Variants in ALAD observed in about 807,000 individuals in gnomAD.
ALAD encodes aminolevulinate dehydratase, also known as delta-aminolevulinic acid dehydratase.
A neutral mutation model predicts 44.4 loss-of-function variants in ALAD; 20 were observed. The ratio of observed to expected loss-of-function variants is 0.45; its 90% confidence interval spans 0.32 to 0.65. ALAD has a LOEUF of 0.65. Ranked by LOEUF, ALAD falls within the 30% of genes least tolerant of loss-of-function variation. The pLI is 0.05. For synonymous variants in ALAD, 156 were observed against 167.9 expected (o/e 0.93, Z 0.55); for missense variants, 323 against 445.7 (o/e 0.72, Z 2.48).
rs772736028 is a variant in ALAD at position 113,389,809 on chromosome 9, C to G, written c.590G>C (p.Ser197Thr). The change falls in exon 8 of 12, where the codon AGT becomes ACT. Residue 197 changes from serine to threonine, a missense_variant. Ser to Thr is a moderately conservative substitution (Grantham distance 58). Transcript: ENST00000409155. ...ATAGAAACAGGAAGCAAATTTGGCACTGTAGCTCATCACCGATACCTATGG... is the reference window on the plus strand; with the variant it reads ...ATAGAAACAGGAAGCAAATTTGGCAGTGTAGCTCATCACCGATACCTATGG... Reference protein sequence around the residue: ...LGNRVSVMSYSAKFASCFYGP... With the variant: ...LGNRVSVMSYTAKFASCFYGP... 1 of 1,614,250 alleles carries G rather than the reference C, an allele frequency of 6.2e-7. No individual in the cohort carries two copies. Among genetic ancestry groups the G allele is most frequent in the Non-Finnish European group, 8.5e-7 (1 of 1,180,050 alleles).
rs1180898651 is a variant in ALAD at position 113,387,735 on chromosome 9, T to C, written c.*565A>G. The C allele has an allele frequency of 2.4e-5, 4 of 165,898 alleles. No individual in the cohort carries two copies. The highest frequency in any genetic ancestry group is 5.6e-5 in the Admixed American group (1 of 17,824). 10.3% of individuals were successfully genotyped at this position (165,898 alleles called of 1,614,324 possible). ...AGTATTTATGCTGGTTAATGAGTAA[T>C]TCTTCTCTGGGTTTATGGTTCAGAG... is the stretch of plus-strand genomic sequence containing the variant. On this transcript the variant is annotated 3_prime_UTR_variant, in exon 12 of 12. Coordinates refer to ENST00000409155, the MANE Select transcript of ALAD (RefSeq NM_000031.6).
chr9:113,388,352 A>T lies in ALAD; in HGVS notation c.941T>A (p.Ile314Asn). 2.5e-6 allele frequency: 4 copies of T among 1,613,956 alleles called. No homozygotes were observed. The highest frequency in any genetic ancestry group is 3.4e-6 in the Non-Finnish European group (4 of 1,179,978). Residue 314 changes from isoleucine (I) to asparagine (N), a missense_variant, in exon 12 of 12, where the codon ATC (isoleucine) becomes AAC (asparagine). Physicochemically the swap from Ile to Asn is moderately radical, Grantham distance 149 (BLOSUM62 -3). Transcript: ENST00000409155. ...MTAFRRAGAD[I>N]IITYYTPQLL... Reference sequence around the variant, plus strand: ...CTGCGGTGTGTAGTAGGTGATGATGATGTCAGCACCTGTGTTGGGAGAGAT... The same window carrying T: ...CTGCGGTGTGTAGTAGGTGATGATGTTGTCAGCACCTGTGTTGGGAGAGAT...
chr9:113,392,058 C>A, intron 3 of ALAD, 61 bp downstream of exon 3: 1 of 1,473,046 alleles, frequency 6.8e-7, no homozygotes. Flanking sequence ...CCTCCCAGCA[C>A]TTCCACCTGT....
chr9:113,391,012 T>C, intron 4 of ALAD, 79 bp from the exon 5 acceptor site: 4 of 1,576,696 alleles, frequency 2.5e-6, no homozygotes, highest in Non-Finnish European at 3.5e-6. Flanking sequence ...TCACAGAGCA[T>C]AGCCCTGGCC....
At chr9:113,392,806 T>C (rs1459709299) in intron 2 of ALAD, among the ~76,000 whole-genome samples, 2 of 149,122 alleles carry the variant, frequency 1.3e-5, no homozygotes, top group African/African-American at 5.0e-5. Flanking sequence ...ACAATCACGA[T>C]TGCCATCTCT....
chr9:113,389,502 GCTC>G lies in ALAD; in HGVS notation c.734_736del (p.Gly245del), dbSNP rs1267668404. ...TCCCGGCTTCACCATGAGCATGTCAGCTCCTTCCCGTACATCCCGGTCCTAAGG... is the reference window on the plus strand; with the variant it reads ...TCCCGGCTTCACCATGAGCATGTCAGCTTCCCGTACATCCCGGTCCTAAGG... On this transcript the variant is annotated inframe_deletion, in exon 10 of 12. Transcript: ENST00000409155. 1 of 1,614,154 alleles carries G rather than the reference GCTC, an allele frequency of 6.2e-7. No homozygotes were observed. Among genetic ancestry groups the G allele is most frequent in the Non-Finnish European group, 8.5e-7 (1 of 1,180,042 alleles).
intron 9 of ALAD, 34 bp downstream of exon 9, chr9:113,389,565 G>A (rs1827511571): frequency 6.2e-7 from 1 of 1,614,110 alleles, no homozygotes; most frequent in Non-Finnish European, 8.5e-7. Context: ...CCTAGGAGGG[G>A]GCTGAGGGTG....
chr9:113,387,588 A>T lies in ALAD; in HGVS notation c.*712T>A, dbSNP rs1827432312. ...TCCTGCTGTATTCCCAGGACCCAGCACTGAACCTAGGAACAGAGCAGAGAT... is the reference window on the plus strand; with the variant it reads ...TCCTGCTGTATTCCCAGGACCCAGCTCTGAACCTAGGAACAGAGCAGAGAT... On this transcript the variant is annotated 3_prime_UTR_variant, in exon 12 of 12. Coordinates refer to ENST00000409155, the MANE Select transcript of ALAD (RefSeq NM_000031.6). 1 of 154,984 alleles carries T rather than the reference A, an allele frequency of 6.5e-6. No homozygotes were observed. Among genetic ancestry groups the T allele is most frequent in the African/African-American group, 2.4e-5 (1 of 41,488 alleles). The allele number at this position is 154,984 out of a possible 1,614,324, so 9.6% of individuals were successfully genotyped here. A position where few individuals can be genotyped will look rare whatever the true frequency, so the allele number is the denominator to read the frequency against.
rs1805316 is a variant in ALAD at position 113,390,970 on chromosome 9, A to G, written c.262-37T>C. 131,456 of 1,612,644 alleles carry G rather than the reference A, an allele frequency of 0.082. 5,870 individuals carry two copies. Among genetic ancestry groups the G allele is most frequent in the African/African-American group, 0.094 (7,082 of 75,002 alleles). ...GGAGGGACAAAGCAGTGTGTCTATT[A>G]CATGTAGCTTTGGAAGGCAGGATGA... On this transcript the variant is annotated intron_variant, in intron 4 of 11. Transcript: ENST00000409155.
chr9:113,390,052 A>G (rs1827525557), intron 7 of ALAD, among the ~76,000 whole-genome samples: 1 of 150,634 alleles, frequency 6.6e-6, no homozygotes, highest in Non-Finnish European at 1.5e-5. Flanking sequence ...TTTTTTTGAG[A>G]TGGAGTCTAG....
At chr9:113,392,321 G>A in intron 2 of ALAD, 152 bp from the exon 3 acceptor site, 1 of 1,555,060 alleles carries the variant, frequency 6.4e-7, no homozygotes, top group Admixed American at 1.8e-5. Flanking sequence ...TTCCCTGCCT[G>A]GCCAAGCCCA....
chr9:113,393,637 G>A lies in ALAD; in HGVS notation c.-75-3C>T, dbSNP rs540251700. The A allele has an allele frequency of 1.6e-6, 2 of 1,218,352 alleles. No individual in the cohort carries two copies. Among genetic ancestry groups the A allele is most frequent in the East Asian group, 2.3e-5 (1 of 42,876 alleles). 75.5% of individuals were successfully genotyped at this position (1,218,352 alleles called of 1,614,324 possible). On this transcript the variant is annotated splice_polypyrimidine_tract_variant and splice_region_variant and intron_variant, in intron 1 of 11. Transcript: ENST00000409155. ...GGGGCATTGGCTGCAGGCTCTGTCT[G>A]TGGGGGGTGATGGGTGGCACATGAG...
intron 2 of ALAD, 40 bp downstream of exon 2, chr9:113,393,407 A>ACCC: frequency 1.3e-6 from 2 of 1,551,240 alleles, no homozygotes; most frequent in Non-Finnish European, 8.9e-7. Context: ...CCCAACCCCA[A>ACCC]CCAGCAGAGC....
chr9:113,388,668 C>T (rs766064818), intron 11 of ALAD, among the ~76,000 whole-genome samples: 2 of 152,216 alleles, frequency 1.3e-5, no homozygotes, highest in African/African-American at 2.4e-5. Flanking sequence ...GATATTACTT[C>T]ATTTAATCCT....
chr9:113,392,055 G>C, intron 3 of ALAD, 64 bp downstream of exon 3: 2 of 1,451,108 alleles, frequency 1.4e-6, no homozygotes, highest in Non-Finnish European at 1.9e-6. Context: ...CTGCCTCCCA[G>C]CACTTCCACC....
chr9:113,393,512 A>C lies in ALAD; in HGVS notation c.48T>G (p.Leu16=). The part of the protein sequence containing the change: ...VLHSGYFHPL[L]RAWQTATTTL... Reference sequence around the variant, plus strand: ...TGGTGGTGGCTGTCTGCCAGGCCCGAAGTAGTGGGTGGAAGTAGCCGCTGT... The same window carrying C: ...TGGTGGTGGCTGTCTGCCAGGCCCGCAGTAGTGGGTGGAAGTAGCCGCTGT... Residue 16 remains leucine, a synonymous_variant, in exon 2 of 12, where the codon CTT becomes CTG. Coordinates refer to ENST00000409155, the MANE Select transcript of ALAD (RefSeq NM_000031.6). 1 of 1,613,892 alleles carries C rather than the reference A, an allele frequency of 6.2e-7. No homozygotes were observed. Among genetic ancestry groups the C allele is most frequent in the South Asian group, 1.1e-5 (1 of 91,070 alleles).
In ALAD at chr9:113,386,493, A is replaced by T. The variant is rs923953796; in HGVS notation, c.*1807T>A. Reference sequence around the variant, plus strand: ...ATATTAAATACATTTTTGACTTATGATCATATTTTCAACTTATGATCATAT... The same window carrying T: ...ATATTAAATACATTTTTGACTTATGTTCATATTTTCAACTTATGATCATAT... On this transcript the variant is annotated 3_prime_UTR_variant, in exon 12 of 12. Coordinates refer to ENST00000409155, the MANE Select transcript of ALAD (RefSeq NM_000031.6). 6.6e-6 allele frequency: 1 copy of T among 151,864 alleles called. No homozygotes were observed. Among genetic ancestry groups the T allele is most frequent in the Non-Finnish European group, 1.5e-5 (1 of 67,906 alleles). 9.4% of individuals were successfully genotyped at this position (151,864 alleles called of 1,614,324 possible). A position where few individuals can be genotyped will look rare whatever the true frequency, so the allele number is the denominator to read the frequency against.
intron 1 of ALAD, among the ~76,000 whole-genome samples, chr9:113,400,955 G>A (rs1385435116): frequency 1.3e-5 from 2 of 152,206 alleles, no homozygotes; most frequent in Non-Finnish European, 2.9e-5. Flanking sequence ...CATCGATGGA[G>A]TCTGCCCAGG....
chr9:113,389,529 G>A lies in ALAD; in HGVS notation c.715-5C>T, dbSNP rs755714548. ...TCCTTCCCGTACATCCCGGTCCTAA[G>A]GGATGAGGGTATAATGTGGGTGGTG... is the stretch of plus-strand genomic sequence containing the variant. On this transcript the variant is annotated splice_region_variant and splice_polypyrimidine_tract_variant and intron_variant, in intron 9 of 11. Coordinates refer to ENST00000409155, the MANE Select transcript of ALAD (RefSeq NM_000031.6). The A allele has an allele frequency of 1.2e-6, 2 of 1,614,184 alleles. No individual in the cohort carries two copies. The highest frequency in any genetic ancestry group is 1.7e-6 in the Non-Finnish European group (2 of 1,180,042).
Sources: allele counts gnomAD v4.1 joint callset (sites outside exome capture counted in the v4.1 genomes callset), GRCh38; gene constraint gnomAD v4.1.1; transcripts MANE v1.5; gene names NCBI Gene and HGNC (gene_info 2026-07-23, HGNC 2026-07-21).